Variants in SYNE1 observed in about 807,000 individuals in gnomAD.
The protein encoded by SYNE1 is nesprin-1.
SYNE1 carries 616 observed loss-of-function variants against 1,111.0 expected under a neutral mutation model. The observed-to-expected ratio is 0.55, with a 90% CI of 0.52 to 0.59. The LOEUF (loss-of-function observed/expected upper bound fraction) is 0.59. Ranked by LOEUF, SYNE1 falls within the 20% of genes least tolerant of loss-of-function variation. SYNE1 has a pLI of 0.00. For synonymous variants in SYNE1, 3,855 were observed against 3,825.8 expected (o/e 1.01, Z -0.28); for missense variants, 10,006 against 10,417.0 (o/e 0.96, Z 1.72).
chr6:152,285,623 G>A (rs2094286894), intron 95 of SYNE1, among the ~76,000 whole-genome samples: 2 of 151,974 alleles, frequency 1.3e-5, no homozygotes, highest in Non-Finnish European at 2.9e-5. Context: ...CTGGCTTCAG[G>A]GCCTTTGAAC....
intron 3 of SYNE1, among the ~76,000 whole-genome samples, chr6:152,603,812 G>GTA (rs761396784): frequency 7.2e-4 from 69 of 96,356 alleles, no homozygotes; most frequent in South Asian, 1.3e-3. Context: ...TATATAGAGA[G>GTA]TATATATATA....
intron 111 of SYNE1, among the ~76,000 whole-genome samples, chr6:152,234,200 G>A (rs1169353891): frequency 6.6e-6 from 1 of 152,202 alleles, no homozygotes; most frequent in Non-Finnish European, 1.5e-5. Context: ...CTATTACTTT[G>A]CATAATTATG....
At chr6:152,481,467 G>C (rs1317255817) in intron 14 of SYNE1, 1 of 342,804 alleles carries the variant, frequency 2.9e-6, no homozygotes, top group African/African-American at 2.1e-5. Context: ...TCATATGTAG[G>C]TAACAGGTAC....
intron 74 of SYNE1, among the ~76,000 whole-genome samples, chr6:152,343,561 T>C (rs4870097): frequency 0.59 from 88,163 of 150,094 alleles, 25,974 homozygotes; most frequent in East Asian, 0.64. Context: ...CAGAGTCTTG[T>C]TCTGTCACCA....
intron 3 of SYNE1, among the ~76,000 whole-genome samples, chr6:152,560,068 G>A (rs1214478794): frequency 1.3e-5 from 2 of 152,050 alleles, no homozygotes; most frequent in Non-Finnish European, 2.9e-5. Flanking sequence ...AGAAGAAATA[G>A]AAGGCTGGGC....
rs557957702 is a variant in SYNE1, at chr6:152,337,531, C to T, written c.12352-514G>A. ...CTCGAACTCCCAACCTCAGATAATA[C>T]GCCCGCCTTGGCCTCCCAAAGTGCT... On this transcript the variant is annotated intron_variant, in intron 75 of 145. Coordinates refer to ENST00000367255, the MANE Select transcript of SYNE1 (RefSeq NM_182961.4). Among the ~76,000 whole-genome samples the T allele has an allele frequency of 1.9e-4, 29 of 152,296 alleles. No individual in the cohort carries two copies. The South Asian group carries it at 3.9e-3, about 21-fold the overall frequency.
Position 152,449,559 on chromosome 6 carries a change from G to C in SYNE1, c.3478C>G (p.His1160Asp). 6.2e-7 allele frequency: 1 copy of C among 1,613,992 alleles called. No individual in the cohort carries two copies. Among genetic ancestry groups the C allele is most frequent in the Non-Finnish European group, 8.5e-7 (1 of 1,179,944 alleles). ...TCAACGGCACGTTTAACCTCTCCGTGGTTGGCAGTATCGATGGCCTCACCC... is the reference window on the plus strand; with the variant it reads ...TCAACGGCACGTTTAACCTCTCCGTCGTTGGCAGTATCGATGGCCTCACCC... ...IKGEAIDTANHGEVKRAVEEI... is the reference protein window; with the variant it reads ...IKGEAIDTANDGEVKRAVEEI... Residue 1160 changes from histidine (H) to aspartate (D), a missense_variant, in exon 28 of 146, where the codon CAC becomes GAC. Physicochemically the swap from His to Asp is moderately conservative, Grantham distance 81 (BLOSUM62 -1). Transcript: ENST00000367255.
intron 19 of SYNE1, 131 bp downstream of exon 19, chr6:152,463,222 A>G: frequency 7.8e-7 from 1 of 1,277,784 alleles, no homozygotes; most frequent in South Asian, 1.3e-5. Flanking sequence ...CATAAAACAC[A>G]CCGGTTTTAA....
intron 3 of SYNE1, among the ~76,000 whole-genome samples, chr6:152,566,106 G>A (rs536446920): frequency 2.6e-5 from 4 of 152,152 alleles, no homozygotes; most frequent in African/African-American, 9.6e-5. Context: ...TGTGTATAGG[G>A]AAAAACAGGG....
intron 65 of SYNE1, 94 bp from the exon 66 acceptor site, chr6:152,358,631 T>A: frequency 8.0e-7 from 1 of 1,255,960 alleles, no homozygotes; most frequent in Non-Finnish European, 1.1e-6. Flanking sequence ...TAGAAAAGTA[T>A]AATTATTGAG....
At chr6:152,257,404 A>G (rs1449200888) in intron 101 of SYNE1, among the ~76,000 whole-genome samples, 1 of 152,148 alleles carries the variant, frequency 6.6e-6, no homozygotes, top group East Asian at 1.9e-4. Context: ...ATGGTGGCAT[A>G]CGCCTATAAT....
chr6:152,220,220 AT>A, intron 119 of SYNE1, among the ~76,000 whole-genome samples: 1 of 152,380 alleles, frequency 6.6e-6, no homozygotes, highest in South Asian at 2.1e-4. Context: ...GGAAAAGTTT[AT>A]AAAAAGATCC....
chr6:152,417,405 G>A (rs2098175789), intron 40 of SYNE1, among the ~76,000 whole-genome samples: 1 of 152,172 alleles, frequency 6.6e-6, no homozygotes, highest in Non-Finnish European at 1.5e-5. Context: ...GGCTGAGGCA[G>A]GAGAATGGCA....
Position 152,455,957 on chromosome 6 carries a change from T to A in SYNE1, c.2656A>T (p.Ser886Cys), listed in dbSNP as rs375636783. ...TGATCAAAATGCTTTAACACGTTGC[T>A]CAAGGTCACAAACTTTTGAACACTT... is the stretch of plus-strand genomic sequence containing the variant. Reference protein sequence around the residue: ...SQSVQKFVTLSNVLKHFDQTR... With the variant: ...SQSVQKFVTLCNVLKHFDQTR... Residue 886 changes from serine (S) to cysteine (C), a missense_variant, in exon 23 of 146, where the codon AGC becomes TGC. Physicochemically the swap from Ser to Cys is moderately radical, Grantham distance 112 (BLOSUM62 -1). This residue lies in a region of SYNE1 where 1,971 missense variants were observed against 2,084.1 expected (regional missense o/e 0.95). Transcript: ENST00000367255. 1 of 1,614,030 alleles carries A rather than the reference T, an allele frequency of 6.2e-7. No homozygotes were observed. The highest frequency in any genetic ancestry group is 1.3e-5 in the African/African-American group (1 of 74,942).
intron 75 of SYNE1, 24 bp from the exon 76 acceptor site, chr6:152,337,041 G>A: frequency 6.2e-7 from 1 of 1,609,342 alleles, no homozygotes; most frequent in Non-Finnish European, 8.5e-7. Context: ...AGAGATAAAA[G>A]TTAGCAACCA....
intron 4 of SYNE1, among the ~76,000 whole-genome samples, chr6:152,538,059 C>A (rs981665732): frequency 1.1e-4 from 16 of 152,148 alleles, no homozygotes; most frequent in Admixed American, 9.8e-4. Context: ...TGCCATTATT[C>A]CAGGGTTGAG....
intron 3 of SYNE1, among the ~76,000 whole-genome samples, chr6:152,567,716 C>CA (rs1260858752): frequency 6.6e-6 from 1 of 152,040 alleles, no homozygotes; most frequent in East Asian, 1.9e-4. Flanking sequence ...TCTTTATTGT[C>CA]AAAAAATAGC....
chr6:152,315,960 G>A (rs1465113683), intron 87 of SYNE1: 1 of 152,090 alleles, frequency 6.6e-6, no homozygotes, highest in South Asian at 2.1e-4. Context: ...AAGGCCACAA[G>A]GATACATAAA....
chr6:152,422,105 T>G lies in SYNE1; in HGVS notation c.5268-2383A>C, dbSNP rs534203748. On this transcript the variant is annotated intron_variant, in intron 39 of 145. Transcript: ENST00000367255. ...AGTAAACAACCTATGTGCCTGTTGA[T>G]GTATTGACTTCTCAGAAAATTCACT... Among the ~76,000 whole-genome samples, 117 of 152,350 alleles carry G rather than the reference T, an allele frequency of 7.7e-4. 1 individual carries two copies. The highest frequency in any genetic ancestry group is 1.2e-3 in the South Asian group (6 of 4,826).
Sources: allele counts gnomAD v4.1 joint callset (sites outside exome capture counted in the v4.1 genomes callset), GRCh38; gene constraint gnomAD v4.1.1; regional missense constraint gnomAD v4.1.1; transcripts MANE v1.5; gene names NCBI Gene and HGNC (gene_info 2026-07-23, HGNC 2026-07-21).